The following DLGAP1 variants were observed in gnomAD, a reference collection of about 807,000 sequenced individuals.
DLGAP1 encodes the protein DLG associated protein 1.
DLGAP1 carries 11 observed loss-of-function variants against 90.8 expected under a neutral mutation model. The observed-to-expected ratio is 0.12, with a 90% confidence interval of 0.08 to 0.20. DLGAP1 has a LOEUF of 0.20. DLGAP1 is among the 10% of genes least tolerant of loss of function. The probability of loss-of-function intolerance (pLI) is 1.00; values close to 1 mark genes in which losing one functional copy is unlikely to be tolerated. For synonymous variants in DLGAP1, 558 were observed against 540.7 expected, an observed-to-expected ratio of 1.03 and a Z score of -0.44; for missense variants, 1,050 against 1,333.8, an observed-to-expected ratio of 0.79 and a Z score of 3.31.
At chr18:4,406,011 T>C (rs1351588111) in intron 1 of DLGAP1, among the ~76,000 whole-genome samples, 1 of 152,234 alleles carries the variant, frequency 6.6e-6, no homozygotes, top group Non-Finnish European at 1.5e-5. Flanking sequence ...CTGGGGTATT[T>C]AAACCGTAGA....
intron 7 of DLGAP1, among the ~76,000 whole-genome samples, chr18:3,623,965 C>T (rs988031380): frequency 2.0e-5 from 3 of 152,114 alleles, no homozygotes; most frequent in Non-Finnish European, 4.4e-5. Context: ...CTTTTCCTCC[C>T]TCCTCCTCGT....
intron 1 of DLGAP1, among the ~76,000 whole-genome samples, chr18:4,209,923 CATTGCA>C (rs1196541414): frequency 1.3e-5 from 2 of 152,194 alleles, no homozygotes; most frequent in Non-Finnish European, 2.9e-5. Flanking sequence ...CTCCTTCGTT[CATTGCA>C]ATCTGACTTC....
At chr18:3,852,809 C>T (rs961863082) in intron 4 of DLGAP1, among the ~76,000 whole-genome samples, 1 of 152,038 alleles carries the variant, frequency 6.6e-6, no homozygotes, top group Non-Finnish European at 1.5e-5. Context: ...AATATCTTTT[C>T]CAAAGTTAAC....
At chr18:4,054,198 T>C (rs2075178878) in intron 2 of DLGAP1, among the ~76,000 whole-genome samples, 1 of 152,212 alleles carries the variant, frequency 6.6e-6, no homozygotes, top group Non-Finnish European at 1.5e-5. Context: ...TGAAGCTTTA[T>C]TGGTGGTAGC....
Position 4,252,569 on chromosome 18 carries a change from C to T in DLGAP1, c.-266-101282G>A, listed in dbSNP as rs547345494. 2.1e-4 allele frequency among the ~76,000 whole-genome samples: 32 copies of T among 152,316 alleles called. No individual in the cohort carries two copies. In the South Asian group the frequency reaches 5.8e-3, roughly 28 times the overall value. On this transcript the variant is annotated intron_variant, in intron 1 of 12. Transcript: ENST00000315677. The stretch of plus-strand genomic sequence containing the variant: ...TTAGACTCCTTTGCTTTGCACAAAA[C>T]AGCAGTCATGACTCTCTTACAGCAA...
intron 3 of DLGAP1, among the ~76,000 whole-genome samples, chr18:3,956,744 G>A (rs1187946253): frequency 6.6e-6 from 1 of 152,122 alleles, no homozygotes; most frequent in Non-Finnish European, 1.5e-5. Flanking sequence ...TCAGCCTCCT[G>A]GGCTCAAGTG....
chr18:4,049,823 C>T (rs1264794239), intron 2 of DLGAP1, among the ~76,000 whole-genome samples: 2 of 152,092 alleles, frequency 1.3e-5, no homozygotes, highest in Non-Finnish European at 2.9e-5. Context: ...TCTTTCCATC[C>T]ATCCATCCAT....
At chr18:3,710,904 C>G (rs1598422969) in intron 7 of DLGAP1, among the ~76,000 whole-genome samples, 1 of 152,204 alleles carries the variant, frequency 6.6e-6, no homozygotes, top group Non-Finnish European at 1.5e-5. Context: ...AAGGTCAGAG[C>G]TCTCCATGTG....
intron 1 of DLGAP1, among the ~76,000 whole-genome samples, chr18:4,215,596 A>G (rs1033463196): frequency 1.3e-5 from 2 of 152,150 alleles, no homozygotes; most frequent in African/African-American, 4.8e-5. Flanking sequence ...TTCTGGTTCT[A>G]TGTGGCCAGT....
At chr18:3,803,694 G>A (rs1347823971) in intron 5 of DLGAP1, among the ~76,000 whole-genome samples, 9 of 151,948 alleles carry the variant, frequency 5.9e-5, no homozygotes, top group African/African-American at 2.2e-4. Flanking sequence ...AAGTTGGAGA[G>A]AAAGTAGAGG....
chr18:4,117,268 C>A (rs138160162), intron 2 of DLGAP1, among the ~76,000 whole-genome samples: 1 of 152,350 alleles, frequency 6.6e-6, no homozygotes, highest in East Asian at 1.9e-4. Flanking sequence ...GTTTAAGCCA[C>A]ATAGTCTGTA....
intron 2 of DLGAP1, among the ~76,000 whole-genome samples, chr18:4,017,178 C>G (rs2074536591): frequency 6.6e-6 from 1 of 152,100 alleles, no homozygotes; most frequent in Non-Finnish European, 1.5e-5. Flanking sequence ...TGCAGAAAAC[C>G]TGGAAATATG....
chr18:3,639,377 A>G (rs968074076), intron 7 of DLGAP1, among the ~76,000 whole-genome samples: 6 of 151,664 alleles, frequency 4.0e-5, no homozygotes, highest in African/African-American at 1.5e-4. Flanking sequence ...AAAAGAAAAG[A>G]AAAGAAAAGA....
chr18:3,594,150 CA>C (rs1226391859), intron 7 of DLGAP1: 1 of 152,324 alleles, frequency 6.6e-6, no homozygotes, highest in Non-Finnish European at 1.5e-5. Flanking sequence ...CCAGCCCAGT[CA>C]AAAGAGCTTG....
At chr18:4,329,350 A>T (rs892158630) in intron 1 of DLGAP1, among the ~76,000 whole-genome samples, 5 of 151,204 alleles carry the variant, frequency 3.3e-5, no homozygotes, top group African/African-American at 4.9e-5. Flanking sequence ...CTAATGATCT[A>T]ATATGTATTC....
At chr18:4,012,349 C>A (rs752763652) in intron 2 of DLGAP1, among the ~76,000 whole-genome samples, 1 of 152,174 alleles carries the variant, frequency 6.6e-6, no homozygotes, top group Non-Finnish European at 1.5e-5. Flanking sequence ...AGACTGACAC[C>A]TTTGCCCACC....
chr18:4,012,636 T>G (rs2074446265), intron 2 of DLGAP1, among the ~76,000 whole-genome samples: 1 of 152,202 alleles, frequency 6.6e-6, no homozygotes, highest in South Asian at 2.1e-4. Flanking sequence ...TCCTTTAAAC[T>G]GGTCTATGTA....
intron 1 of DLGAP1, among the ~76,000 whole-genome samples, chr18:4,387,787 C>A (rs957697955): frequency 6.6e-6 from 1 of 152,078 alleles, no homozygotes; most frequent in African/African-American, 2.4e-5. Flanking sequence ...AAAAATTAGT[C>A]GGGCATGGTG....
chr18:4,432,576 C>T (rs1055973961), intron 1 of DLGAP1, among the ~76,000 whole-genome samples: 2 of 138,686 alleles, frequency 1.4e-5, no homozygotes, highest in African/African-American at 2.7e-5. Flanking sequence ...CTAACACATC[C>T]ATCACCTCAC....
Sources: allele counts gnomAD v4.1 joint callset (sites outside exome capture counted in the v4.1 genomes callset), GRCh38; gene constraint gnomAD v4.1.1; transcripts MANE v1.5; gene names NCBI Gene and HGNC (gene_info 2026-07-23, HGNC 2026-07-21).